Variants in TSHR observed in about 807,000 individuals in gnomAD.
The protein encoded by TSHR is thyrotropin receptor.
TSHR carries 51 observed loss-of-function variants against 64.1 expected under a neutral mutation model. That is an observed-to-expected ratio of 0.80 (90% CI 0.64 to 1.01). The LOEUF is 1.01. TSHR is among the 50% of genes least tolerant of loss of function. TSHR has a pLI of 0.00. For synonymous variants in TSHR, 361 were observed against 361.9 expected, an observed-to-expected ratio of 1.00 and a Z score of 0.03; for missense variants, 877 against 942.8, an observed-to-expected ratio of 0.93 and a Z score of 0.91.
At chr14:80,983,050 T>C (rs1269998892) in intron 1 of TSHR, 1 of 548,262 alleles carries the variant, frequency 1.8e-6, no homozygotes, top group Admixed American at 2.8e-5. Flanking sequence ...CGTTCACCCA[T>C]TTGCCCAAGA....
chr14:81,037,672 C>T (rs1253039045), intron 1 of TSHR, among the ~76,000 whole-genome samples: 3 of 151,780 alleles, frequency 2.0e-5, no homozygotes, highest in African/African-American at 7.3e-5. Flanking sequence ...CAAATGGAAG[C>T]CAAAAGACTA....
chr14:81,117,311 G>A lies in TSHR; in HGVS notation c.692+8859G>A, dbSNP rs932025602. On this transcript the variant is annotated intron_variant, in intron 8 of 9. Coordinates refer to ENST00000298171, the MANE Select transcript of TSHR (RefSeq NM_000369.5). Reference sequence around the variant, plus strand: ...CAAGACTACTAAAGAAAAAAAGAGAGAAGAATCAAATAGACGCAATAAAAA... The same window carrying A: ...CAAGACTACTAAAGAAAAAAAGAGAAAAGAATCAAATAGACGCAATAAAAA... Among the ~76,000 whole-genome samples, 143 of 123,668 alleles carry A rather than the reference G, an allele frequency of 1.2e-3. 24 individuals carry two copies. Among genetic ancestry groups the A allele is most frequent in the African/African-American group, 4.9e-3 (133 of 27,158 alleles). The allele number at this position is 123,668 out of a possible 152,430, so 81.1% of individuals were successfully genotyped here. A position where few individuals can be genotyped will look rare whatever the true frequency, so the allele number is the denominator to read the frequency against.
At chr14:81,060,622 T>G (rs1467621034) in intron 1 of TSHR, among the ~76,000 whole-genome samples, 2 of 152,114 alleles carry the variant, frequency 1.3e-5, no homozygotes, top group African/African-American at 4.8e-5. Context: ...TTTTAATAGT[T>G]GCAAAAATGA....
chr14:81,058,449 A>C (rs1056304486), intron 1 of TSHR, among the ~76,000 whole-genome samples: 4 of 152,240 alleles, frequency 2.6e-5, no homozygotes, highest in African/African-American at 9.6e-5. Context: ...TCCACATAGG[A>C]TACAAGACTA....
intron 1 of TSHR, among the ~76,000 whole-genome samples, chr14:81,027,471 G>T (rs1474453487): frequency 6.6e-6 from 1 of 152,090 alleles, no homozygotes; most frequent in Non-Finnish European, 1.5e-5. Flanking sequence ...TAAAAAAGGT[G>T]AGGGCATAAA....
chr14:81,002,781 C>CTTTTTTTTTT (rs1174635270), intron 1 of TSHR, among the ~76,000 whole-genome samples: 16 of 44,312 alleles, frequency 3.6e-4, no homozygotes, highest in African/African-American at 7.8e-4. Context: ...CCTAATGCCT[C>CTTTTTTTTTT]TTTTTTTTTT....
chr14:80,969,297 C>G (rs1887474909), intron 1 of TSHR, among the ~76,000 whole-genome samples: 1 of 152,162 alleles, frequency 6.6e-6, no homozygotes, highest in Admixed American at 6.5e-5. Flanking sequence ...TGCACCTTCT[C>G]TGCCATGAAA....
chr14:81,096,536 T>C (rs996684931), intron 6 of TSHR, 103 bp from the exon 7 acceptor site: 51 of 1,178,914 alleles, frequency 4.3e-5, no homozygotes, highest in Non-Finnish European at 5.9e-5. Flanking sequence ...GAAAAACCTT[T>C]ATGTACATTT....
intron 1 of TSHR, among the ~76,000 whole-genome samples, chr14:80,995,935 G>C (rs1458498508): frequency 6.6e-6 from 1 of 151,842 alleles, no homozygotes; most frequent in Non-Finnish European, 1.5e-5. Context: ...GTAGTCAAAA[G>C]TTATGTGCAA....
chr14:81,080,486 T>C (rs1045534206), intron 3 of TSHR, among the ~76,000 whole-genome samples: 1 of 152,226 alleles, frequency 6.6e-6, no homozygotes, highest in African/African-American at 2.4e-5. Context: ...TATAATGTTC[T>C]ATTTTTAGTG....
chr14:81,115,918 T>G (rs1890483033), intron 8 of TSHR, among the ~76,000 whole-genome samples: 1 of 152,018 alleles, frequency 6.6e-6, no homozygotes, highest in Non-Finnish European at 1.5e-5. Flanking sequence ...GAATTTCATA[T>G]CCAGCCAAAC....
intron 1 of TSHR, among the ~76,000 whole-genome samples, chr14:80,967,534 C>T (rs1287072412): frequency 6.6e-6 from 1 of 152,088 alleles, no homozygotes; most frequent in Non-Finnish European, 1.5e-5. Flanking sequence ...ATCTGGCCGC[C>T]TCGGCCTCCC....
intron 8 of TSHR, among the ~76,000 whole-genome samples, chr14:81,129,803 C>T (rs554088512): frequency 2.6e-5 from 4 of 152,222 alleles, no homozygotes; most frequent in Non-Finnish European, 5.9e-5. Flanking sequence ...CTTTTTAAGG[C>T]TGGCCCCTTC....
chr14:81,084,008 G>A (rs766186184), intron 3 of TSHR, among the ~76,000 whole-genome samples: 8 of 152,100 alleles, frequency 5.3e-5, no homozygotes, highest in Non-Finnish European at 1.2e-4. Context: ...CACCTCCCGC[G>A]AGGTCCCTCC....
At chr14:81,017,596 G>A (rs1489018997) in intron 1 of TSHR, among the ~76,000 whole-genome samples, 1 of 152,080 alleles carries the variant, frequency 6.6e-6, no homozygotes, top group East Asian at 1.9e-4. Context: ...CTAAACCAGT[G>A]GAATCAGAAC....
At chr14:81,018,354 T>C (rs1031783034) in intron 1 of TSHR, among the ~76,000 whole-genome samples, 9 of 152,228 alleles carry the variant, frequency 5.9e-5, no homozygotes, top group African/African-American at 1.7e-4. Flanking sequence ...TTAGTTTAAA[T>C]AATGAAATCA....
chr14:80,991,829 C>G (rs1451214993), intron 1 of TSHR: 4 of 368,016 alleles, frequency 1.1e-5, no homozygotes, highest in Non-Finnish European at 1.9e-5. Flanking sequence ...GAGGGATTGT[C>G]TCTTGATGCT....
intron 1 of TSHR, among the ~76,000 whole-genome samples, chr14:81,037,448 A>AAAAAAAAAAAAAAC (rs1273226258): frequency 2.3e-5 from 3 of 128,444 alleles, no homozygotes; most frequent in Non-Finnish European, 3.7e-5. Flanking sequence ...AACAAACAAA[A>AAAAAAAAAAAAAAC]AACAGAAAAT....
chr14:81,068,484 T>C (rs1436234310), intron 3 of TSHR, 156 bp downstream of exon 3: 1 of 684,300 alleles, frequency 1.5e-6, no homozygotes, highest in Non-Finnish European at 2.6e-6. Flanking sequence ...TCTCAGTTCA[T>C]GTTAATTCAT....
Sources: allele counts gnomAD v4.1 joint callset (sites outside exome capture counted in the v4.1 genomes callset), GRCh38; gene constraint gnomAD v4.1.1; transcripts MANE v1.5; gene names NCBI Gene and HGNC (gene_info 2026-07-23, HGNC 2026-07-21).